The following NEGR1 variants were observed in gnomAD, a reference collection of about 807,000 sequenced individuals.
NEGR1 encodes neuronal growth regulator 1.
Under a neutral mutation model 40.9 loss-of-function variants are expected in NEGR1, and 10 were observed. The observed-to-expected ratio is 0.24, with a 90% CI of 0.15 to 0.42. NEGR1 has a LOEUF of 0.42. Among genes scored for constraint, NEGR1 ranks in the 10% least tolerant of loss-of-function variants. The pLI is 1.00. For synonymous variants in NEGR1, 185 were observed against 166.8 expected, an observed-to-expected ratio of 1.11 and a Z score of -0.84; for missense variants, 352 against 438.9, an observed-to-expected ratio of 0.80 and a Z score of 1.77.
intron 1 of NEGR1, among the ~76,000 whole-genome samples, chr1:72,060,416 G>T (rs1647156298): frequency 6.6e-6 from 1 of 151,572 alleles, no homozygotes. Context: ...CCCCCCGAAG[G>T]GTACAAACTT....
At chr1:71,605,012 A>G (rs1337516226) in intron 5 of NEGR1, among the ~76,000 whole-genome samples, 1 of 152,096 alleles carries the variant, frequency 6.6e-6, no homozygotes, top group East Asian at 1.9e-4. Flanking sequence ...CATTGGAGTA[A>G]TTTATGTTTA....
intron 6 of NEGR1, among the ~76,000 whole-genome samples, chr1:71,478,632 G>A (rs1383818349): frequency 1.3e-5 from 2 of 151,988 alleles, no homozygotes; most frequent in African/African-American, 2.4e-5. Flanking sequence ...TCTGGACATA[G>A]TAAATAGTTA....
chr1:72,254,477 C>A (rs1253060488), intron 1 of NEGR1, among the ~76,000 whole-genome samples: 1 of 151,912 alleles, frequency 6.6e-6, no homozygotes. Context: ...CCGAGGCGGG[C>A]GGATCACGAG....
intron 2 of NEGR1, among the ~76,000 whole-genome samples, chr1:71,910,703 T>C (rs1661400895): frequency 1.3e-5 from 2 of 152,118 alleles, no homozygotes; most frequent in African/African-American, 4.8e-5. Context: ...TTTTTGTTTT[T>C]GTTTTTGTTT....
chr1:71,727,051 A>G (rs1359875744), intron 3 of NEGR1, among the ~76,000 whole-genome samples: 1 of 152,094 alleles, frequency 6.6e-6, no homozygotes, highest in East Asian at 1.9e-4. Context: ...GCAAGATGCC[A>G]GAATTCTTGC....
intron 1 of NEGR1, among the ~76,000 whole-genome samples, chr1:72,026,616 C>T (rs1646812688): frequency 6.6e-6 from 1 of 152,056 alleles, no homozygotes; most frequent in African/African-American, 2.4e-5. Flanking sequence ...AGTGATTTGG[C>T]TTCTTCTGAC....
intron 1 of NEGR1, among the ~76,000 whole-genome samples, chr1:72,223,444 GATA>G (rs1210179336): frequency 6.6e-6 from 1 of 152,160 alleles, no homozygotes; most frequent in African/African-American, 2.4e-5. Context: ...GGACTCTTTG[GATA>G]ATGTTATTAT....
chr1:72,041,583 G>A lies in NEGR1; in HGVS notation c.177-106272C>T, dbSNP rs374758932. Among the ~76,000 whole-genome samples, 17 of 150,968 alleles carry A rather than the reference G, an allele frequency of 1.1e-4. No individual in the cohort carries two copies. The East Asian group carries it at 3.1e-3, about 28-fold the overall frequency. On this transcript the variant is annotated intron_variant, in intron 1 of 6. Transcript: ENST00000357731. Reference sequence around the variant, plus strand: ...GACAGGGTAAGTCACCTATGTGGTAGTACTTTCAAGAGAACAGTCAAATAT... The same window carrying A: ...GACAGGGTAAGTCACCTATGTGGTAATACTTTCAAGAGAACAGTCAAATAT...
intron 6 of NEGR1, among the ~76,000 whole-genome samples, chr1:71,592,304 A>C (rs752228199): frequency 6.6e-6 from 1 of 152,138 alleles, no homozygotes; most frequent in South Asian, 2.1e-4. Flanking sequence ...TTATTTTAAA[A>C]TACAATTTTG....
intron 1 of NEGR1, among the ~76,000 whole-genome samples, chr1:72,019,295 A>G (rs1002914572): frequency 2.4e-4 from 36 of 152,336 alleles, no homozygotes; most frequent in African/African-American, 8.7e-4. Context: ...ACATGTATAT[A>G]TAGTGTTAAT....
chr1:71,621,860 C>G (rs367742799), intron 4 of NEGR1, among the ~76,000 whole-genome samples: 2 of 151,696 alleles, frequency 1.3e-5, no homozygotes, highest in African/African-American at 4.8e-5. Context: ...TGATCTGATA[C>G]TGTGTTGATG....
At chr1:71,717,578 G>A (rs568776113) in intron 3 of NEGR1, among the ~76,000 whole-genome samples, 1 of 152,186 alleles carries the variant, frequency 6.6e-6, no homozygotes, top group South Asian at 2.1e-4. Flanking sequence ...TTTTTAAGCT[G>A]TACTTGATAT....
chr1:71,923,658 G>A lies in NEGR1; in HGVS notation c.409+11421C>T, dbSNP rs561000097. On this transcript the variant is annotated intron_variant, in intron 2 of 6. Coordinates refer to ENST00000357731, the MANE Select transcript of NEGR1 (RefSeq NM_173808.3). ...TGGCAGGGCTGAAGTCCCTTCTGGA[G>A]TTTCTAGAGGAGATTTCATTTCCTT... Among the ~76,000 whole-genome samples the A allele has an allele frequency of 2.0e-5, 3 of 152,268 alleles. No individual in the cohort carries two copies. The East Asian group carries it at 5.8e-4, about 29-fold the overall frequency.
At chr1:71,725,819 A>G (rs1654653283) in intron 3 of NEGR1, among the ~76,000 whole-genome samples, 1 of 152,082 alleles carries the variant, frequency 6.6e-6, no homozygotes, top group African/African-American at 2.4e-5. Flanking sequence ...GAAATCTTGA[A>G]TAGAACAATA....
intron 1 of NEGR1, among the ~76,000 whole-genome samples, chr1:72,138,605 G>A (rs941287096): frequency 2.0e-5 from 3 of 151,872 alleles, no homozygotes; most frequent in African/African-American, 7.2e-5. Context: ...TTATTTCAGA[G>A]CAAAGAAAAA....
chr1:71,579,569 T>A (rs940047489), intron 6 of NEGR1, among the ~76,000 whole-genome samples: 2 of 151,478 alleles, frequency 1.3e-5, no homozygotes, highest in Non-Finnish European at 2.9e-5. Flanking sequence ...TTAAGTTTTT[T>A]AATACAAAAT....
At chr1:71,909,803 A>C (rs1228465238) in intron 2 of NEGR1, among the ~76,000 whole-genome samples, 1 of 152,254 alleles carries the variant, frequency 6.6e-6, no homozygotes, top group Non-Finnish European at 1.5e-5. Flanking sequence ...GAATCAATAC[A>C]TTAATATTGA....
intron 1 of NEGR1, among the ~76,000 whole-genome samples, chr1:72,181,978 C>A (rs528780427): frequency 6.6e-6 from 1 of 151,994 alleles, no homozygotes; most frequent in African/African-American, 2.4e-5. Context: ...ATGTAATGTA[C>A]AATATGCGGA....
chr1:71,780,316 G>C, intron 2 of NEGR1, among the ~76,000 whole-genome samples: 1 of 152,208 alleles, frequency 6.6e-6, no homozygotes, highest in Non-Finnish European at 1.5e-5. Flanking sequence ...GAAATATATT[G>C]ATGAGTGTAA....
Sources: allele counts gnomAD v4.1 joint callset (sites outside exome capture counted in the v4.1 genomes callset), GRCh38; gene constraint gnomAD v4.1.1; transcripts MANE v1.5; gene names NCBI Gene and HGNC (gene_info 2026-07-23, HGNC 2026-07-21).